The following PLCB4 variants were observed in gnomAD, a reference collection of about 807,000 sequenced individuals.
PLCB4 encodes phospholipase C beta 4.
PLCB4 carries 77 observed loss-of-function variants against 178.8 expected under a neutral mutation model. That is an observed-to-expected ratio of 0.43 (90% CI 0.36 to 0.52). The LOEUF is 0.52. Among genes scored for constraint, PLCB4 ranks in the 20% least tolerant of loss-of-function variants. The probability of loss-of-function intolerance (pLI) is 0.00; values close to 1 mark genes in which losing one functional copy is unlikely to be tolerated. For missense variants in PLCB4, 1,024 were observed against 1,453.4 expected, an observed-to-expected ratio of 0.70 and a Z score of 4.80; for synonymous variants, 496 against 490.8, an observed-to-expected ratio of 1.01 and a Z score of -0.14.
chr20:9,401,094 G>A (rs892566963), intron 19 of PLCB4, among the ~76,000 whole-genome samples: 2 of 152,030 alleles, frequency 1.3e-5, no homozygotes, highest in African/African-American at 4.8e-5. Context: ...TTGTTTTCTT[G>A]CATCTTCTTA....
chr20:9,135,673 C>G (rs888652176), intron 2 of PLCB4, among the ~76,000 whole-genome samples: 3 of 152,054 alleles, frequency 2.0e-5, no homozygotes, highest in African/African-American at 7.2e-5. Context: ...TATATTTATG[C>G]TGTCAAACCT....
chr20:9,437,746 G>A (rs1436208040), intron 30 of PLCB4, among the ~76,000 whole-genome samples: 1 of 152,174 alleles, frequency 6.6e-6, no homozygotes. Context: ...CATGGGAAAT[G>A]AGTCAAAGGA....
At chr20:9,478,436 G>T (rs1194064282) in intron 39 of PLCB4, among the ~76,000 whole-genome samples, 1 of 152,138 alleles carries the variant, frequency 6.6e-6, no homozygotes, top group Non-Finnish European at 1.5e-5. Context: ...CTATCAATTA[G>T]ATTTTTAGGG....
chr20:9,172,021 G>A (rs1268764913), intron 2 of PLCB4, among the ~76,000 whole-genome samples: 1 of 152,100 alleles, frequency 6.6e-6, no homozygotes, highest in Admixed American at 6.6e-5. Context: ...ATAATTTGGG[G>A]TTTTCTGTTT....
chr20:9,363,270 A>C (rs1359114310), intron 8 of PLCB4, among the ~76,000 whole-genome samples: 1 of 152,132 alleles, frequency 6.6e-6, no homozygotes, highest in Admixed American at 6.5e-5. Context: ...GTGTCCCCAG[A>C]TTGAGTTTTC....
chr20:9,168,347 TACCTGTTTACCTGC>T (rs1039452416), intron 2 of PLCB4, among the ~76,000 whole-genome samples: 15 of 152,250 alleles, frequency 9.9e-5, no homozygotes, highest in South Asian at 2.1e-4. Context: ...TAATGTTGCT[TACCTGTTTACCTGC>T]ACCTGTTTAC....
At chr20:9,206,318 T>A (rs1320915911) in intron 2 of PLCB4, among the ~76,000 whole-genome samples, 1 of 146,298 alleles carries the variant, frequency 6.8e-6, no homozygotes, top group African/African-American at 2.6e-5. Flanking sequence ...TTTTTTTTTT[T>A]TTTTGGTCAG....
chr20:9,415,849 C>T (rs1011614916), intron 25 of PLCB4, among the ~76,000 whole-genome samples: 2 of 152,184 alleles, frequency 1.3e-5, no homozygotes, highest in Non-Finnish European at 2.9e-5. Context: ...TCCACATAGC[C>T]AGCTCTGGTG....
intron 2 of PLCB4, among the ~76,000 whole-genome samples, chr20:9,130,755 G>C (rs1040465156): frequency 6.6e-6 from 1 of 152,170 alleles, no homozygotes; most frequent in Non-Finnish European, 1.5e-5. Context: ...TTTTTAAAAA[G>C]TAGGATGAAT....
intron 14 of PLCB4, among the ~76,000 whole-genome samples, chr20:9,385,626 G>A (rs8120165): frequency 0.027 from 3,989 of 148,290 alleles, 152 homozygotes; most frequent in African/African-American, 0.093. Flanking sequence ...ATGGGGTGGC[G>A]GCCGGGCAGA....
At chr20:9,144,541 G>T (rs1223451160) in intron 2 of PLCB4, among the ~76,000 whole-genome samples, 3 of 151,454 alleles carry the variant, frequency 2.0e-5, no homozygotes, top group Admixed American at 2.0e-4. Context: ...AAAGGCTGGT[G>T]TGGTGGCTCA....
intron 27 of PLCB4, among the ~76,000 whole-genome samples, chr20:9,421,760 C>A (rs2040655756): frequency 6.6e-6 from 1 of 152,144 alleles, no homozygotes; most frequent in Non-Finnish European, 1.5e-5. Flanking sequence ...CTAGAGAGTT[C>A]TTCCCTACCC....
intron 1 of PLCB4, among the ~76,000 whole-genome samples, chr20:9,083,921 G>T (rs370731658): frequency 1.1e-4 from 16 of 152,180 alleles, no homozygotes; most frequent in African/African-American, 3.6e-4. Flanking sequence ...TGTTGTTTAA[G>T]CTAGTCAGTC....
intron 3 of PLCB4, among the ~76,000 whole-genome samples, chr20:9,252,090 A>G (rs895672367): frequency 2.8e-4 from 43 of 152,250 alleles, no homozygotes; most frequent in African/African-American, 9.6e-4. Context: ...AAAAGTGTTC[A>G]TAAACCTAAG....
intron 12 of PLCB4, among the ~76,000 whole-genome samples, chr20:9,374,446 G>T (rs1246353635): frequency 5.3e-5 from 8 of 152,008 alleles, no homozygotes; most frequent in African/African-American, 1.9e-4. Flanking sequence ...TCTGCCTTTT[G>T]TTTTTTGGTT....
intron 2 of PLCB4, among the ~76,000 whole-genome samples, chr20:9,187,023 G>C (rs6056455): frequency 1.2e-4 from 18 of 152,190 alleles, no homozygotes; most frequent in African/African-American, 4.3e-4. Context: ...CACCCAGGCT[G>C]GAGTGCAGTG....
At chr20:9,108,703 AG>A (rs1382062474) in intron 2 of PLCB4, among the ~76,000 whole-genome samples, 9 of 152,116 alleles carry the variant, frequency 5.9e-5, no homozygotes, top group Non-Finnish European at 1.3e-4. Context: ...CAGCCAAAAA[AG>A]AAAGAAAAAT....
intron 1 of PLCB4, among the ~76,000 whole-genome samples, chr20:9,069,578 A>G (rs899470354): frequency 1.6e-4 from 24 of 152,296 alleles, no homozygotes; most frequent in Admixed American, 6.5e-4. Flanking sequence ...TTCTGGGGAA[A>G]TCATAGAAAT....
intron 4 of PLCB4, among the ~76,000 whole-genome samples, chr20:9,336,044 C>T (rs531037116): frequency 1.6e-4 from 25 of 152,004 alleles, no homozygotes; most frequent in Non-Finnish European, 2.4e-4. Context: ...AGAGTCTGAA[C>T]GGCCCTTAAA....
Sources: gnomAD v4.1 joint callset for allele counts (sites outside exome capture counted in the v4.1 genomes callset) on GRCh38, gnomAD v4.1.1 for gene constraint, MANE v1.5 for transcripts, NCBI Gene and HGNC (gene_info 2026-07-23, HGNC 2026-07-21) for gene names.